The following NUP35 variants were observed in gnomAD, a reference collection of about 807,000 sequenced individuals.
NUP35 encodes nucleoporin NUP35.
NUP35 carries 25 observed loss-of-function variants against 41.5 expected under a neutral mutation model. That is an observed-to-expected ratio of 0.60 (90% CI 0.44 to 0.84). The LOEUF is 0.84. Among genes scored for constraint, NUP35 ranks in the 40% least tolerant of loss-of-function variants. NUP35 has a pLI of 0.00. For missense variants in NUP35, 396 were observed against 396.6 expected (o/e 1.00, Z 0.01); for synonymous variants, 149 against 130.7 (o/e 1.14, Z -0.96).
At chr2:183,136,453 G>A (rs563562386) in intron 4 of NUP35, among the ~76,000 whole-genome samples, 45 of 152,288 alleles carry the variant, frequency 3.0e-4, no homozygotes, top group Middle Eastern at 3.4e-3. Context: ...TTATAGGAAT[G>A]AATGAGGTCC....
At position 183,135,235 on chromosome 2, in the gene NUP35, A is replaced by G. The variant is rs79329368; in HGVS notation, c.397+1612A>G. ...ATTAGGTCATGGACATCATTTGGGG[A>G]CCTACCCAGCTTATTCCACCTACCA... On this transcript the variant is annotated intron_variant, in intron 4 of 8. Coordinates refer to ENST00000295119, the MANE Select transcript of NUP35 (RefSeq NM_138285.5). Among the ~76,000 whole-genome samples the G allele has an allele frequency of 9.2e-5, 14 of 152,270 alleles. No individual in the cohort carries two copies. The East Asian group carries it at 2.5e-3, about 27-fold the overall frequency.
At chr2:183,124,549 C>T (rs749899775) in intron 1 of NUP35, 52 bp downstream of exon 1, 1 of 1,607,838 alleles carries the variant, frequency 6.2e-7, no homozygotes, top group Non-Finnish European at 8.5e-7. Context: ...TGCTCTGGGC[C>T]TGGAGGCGGG....
At chr2:183,118,541 T>C (rs571511948) in intron 1 of NUP35, 12 of 152,346 alleles carry the variant, frequency 7.9e-5, no homozygotes, top group Admixed American at 2.6e-4. Context: ...TATCCTTTGT[T>C]TAATGTTTAT....
upstream of NUP35, among the ~76,000 whole-genome samples, chr2:183,122,306 G>A (rs1420427262): frequency 6.6e-6 from 1 of 152,070 alleles, no homozygotes; most frequent in Non-Finnish European, 1.5e-5. Flanking sequence ...TGGAACTCCT[G>A]ACCTCGTGAT....
chr2:183,157,380 T>C, intron 5 of NUP35, 64 bp from the exon 6 acceptor site: 4 of 1,123,546 alleles, frequency 3.6e-6, no homozygotes, highest in Non-Finnish European at 5.4e-6. Flanking sequence ...CATTATCTTG[T>C]AGTAATTTGC....
At position 183,128,442 on chromosome 2, in the gene NUP35, T is replaced by C. The variant is rs148092363; in HGVS notation, c.196T>C (p.Ser66Pro). 8 of 1,612,256 alleles carry C rather than the reference T, an allele frequency of 5.0e-6. No homozygotes were observed. In the African/African-American group the frequency reaches 1.1e-4, roughly 22 times the overall value. Residue 66 changes from serine to proline, a missense_variant, in exon 2 of 9, where the codon TCA becomes CCA. Coordinates refer to ENST00000295119, the MANE Select transcript of NUP35 (RefSeq NM_138285.5). ...GPSVGVMEMR[S>P]PLLAGGSPPQ... ...TTCAGTAGGAGTAATGGAAATGAGA[T>C]CACCTTTACTTGCAGGTAGGTGAAT...
chr2:183,151,524 T>G lies in NUP35; in HGVS notation c.414T>G (p.Ser138Arg). ...CTAATATAGGGCAAAGTATGTTTAG[T>G]CCAGCAAGTATCGGTCAGCCACGAA... ...STPGTGQSMF[S>R]PASIGQPRKT... Residue 138 changes from serine to arginine, a missense_variant, in exon 5 of 9, where the codon AGT (serine) becomes AGG (arginine). Ser to Arg is a moderately radical substitution (Grantham distance 110). Coordinates refer to ENST00000295119, the MANE Select transcript of NUP35 (RefSeq NM_138285.5). 1 of 1,614,014 alleles carries G rather than the reference T, an allele frequency of 6.2e-7. No homozygotes were observed. The highest frequency in any genetic ancestry group is 8.5e-7 in the Non-Finnish European group (1 of 1,179,924).
At chr2:183,151,908 A>G (rs183218464) in intron 5 of NUP35, among the ~76,000 whole-genome samples, 3 of 152,220 alleles carry the variant, frequency 2.0e-5, no homozygotes, top group Admixed American at 2.0e-4. Flanking sequence ...CATGTCATTA[A>G]CTAGAGTTTG....
At chr2:183,149,633 A>G (rs960585654) in intron 4 of NUP35, among the ~76,000 whole-genome samples, 22 of 152,214 alleles carry the variant, frequency 1.4e-4, no homozygotes, top group Non-Finnish European at 5.9e-5. Flanking sequence ...GGCTGATCTC[A>G]TGAGAGAGTC....
intron 3 of NUP35, among the ~76,000 whole-genome samples, chr2:183,133,200 C>A (rs1684754333): frequency 6.6e-6 from 1 of 152,080 alleles, no homozygotes; most frequent in Admixed American, 6.6e-5. Flanking sequence ...AATTTTGTCA[C>A]CCTTCTGTTT....
chr2:183,160,968 C>A, intron 8 of NUP35, 86 bp from the exon 9 acceptor site: 1 of 963,654 alleles, frequency 1.0e-6, no homozygotes, highest in East Asian at 2.6e-5. Flanking sequence ...TTTGGTGTTT[C>A]TCTTTTAAAT....
At chr2:183,151,721 C>T in intron 5 of NUP35, 72 bp downstream of exon 5, 1 of 1,426,886 alleles carries the variant, frequency 7.0e-7, no homozygotes, top group Non-Finnish European at 9.6e-7. Flanking sequence ...ATCAAACATA[C>T]AGTAAAATGG....
chr2:183,121,280 A>G (rs535463997), upstream of NUP35, among the ~76,000 whole-genome samples: 1 of 152,268 alleles, frequency 6.6e-6, no homozygotes, highest in South Asian at 2.1e-4. Flanking sequence ...CAATTAATTA[A>G]AAATCAAAAT....
rs369870213 is a variant in NUP35 at position 183,124,898 on chromosome 2, G to A, written c.40+401G>A. ...GGAGGAACTGACCGCGGTACACGTG[G>A]GTGGGCGGTGCCCTGAAGTGTGTGG... is the stretch of plus-strand genomic sequence containing the variant. On this transcript the variant is annotated intron_variant, in intron 1 of 8. Transcript: ENST00000295119. 4.0e-4 allele frequency among the ~76,000 whole-genome samples: 61 copies of A among 152,288 alleles called. 1 individual carries two copies. Among genetic ancestry groups the A allele is most frequent in the East Asian group, 3.9e-3 (20 of 5,178 alleles).
chr2:183,120,339 G>C (rs2105523653), upstream of NUP35, among the ~76,000 whole-genome samples: 1 of 152,028 alleles, frequency 6.6e-6, no homozygotes, highest in Non-Finnish European at 1.5e-5. Context: ...CCAGCTACTC[G>C]GGAGCCTGAG....
At chr2:183,124,401 C>T (rs1335272846), upstream of NUP35, 2 of 1,613,976 alleles carry the variant, frequency 1.2e-6, no homozygotes, top group East Asian at 4.5e-5. Flanking sequence ...GGAGCGTTTC[C>T]GCCATTTTTG....
intron 3 of NUP35, among the ~76,000 whole-genome samples, chr2:183,132,533 G>C (rs544941534): frequency 1.1e-4 from 16 of 152,006 alleles, no homozygotes; most frequent in Admixed American, 9.8e-4. Flanking sequence ...ACTCAGCCTG[G>C]GTGACAGAGT....
At chr2:183,123,892 T>A (rs1700104152), upstream of NUP35, 2 of 832,034 alleles carry the variant, frequency 2.4e-6, no homozygotes, top group South Asian at 5.5e-5. Context: ...TATTTTTGTA[T>A]GTTTTAATAT....
At position 183,141,098 on chromosome 2, in the gene NUP35, C is replaced by G. The variant is rs183298489; in HGVS notation, c.397+7475C>G. The stretch of plus-strand genomic sequence containing the variant: ...GTTGATAGGATTACCTCTGGAGATT[C>G]TATGGACAATCAGCTTCCTTGTTTT... On this transcript the variant is annotated intron_variant, in intron 4 of 8. Coordinates refer to ENST00000295119, the MANE Select transcript of NUP35 (RefSeq NM_138285.5). 3.8e-4 allele frequency among the ~76,000 whole-genome samples: 58 copies of G among 151,858 alleles called. 1 individual carries two copies. The highest frequency in any genetic ancestry group is 3.3e-3 in the East Asian group (17 of 5,174).
Sources: allele counts gnomAD v4.1 joint callset (sites outside exome capture counted in the v4.1 genomes callset), GRCh38; gene constraint gnomAD v4.1.1; transcripts MANE v1.5; gene names NCBI Gene and HGNC (gene_info 2026-07-23, HGNC 2026-07-21).